Variants in PRPSAP2 observed in about 807,000 individuals in gnomAD.
PRPSAP2 encodes the protein phosphoribosyl pyrophosphate synthetase associated protein 2, also known as phosphoribosyl pyrophosphate synthase-associated protein 2.
PRPSAP2 carries 24 observed loss-of-function variants against 40.6 expected under a neutral mutation model. That is an observed-to-expected ratio of 0.59 (90% CI 0.43 to 0.83). The LOEUF (loss-of-function observed/expected upper bound fraction) is 0.83, where lower values mean the gene tolerates loss of function less well. Ranked by LOEUF, PRPSAP2 falls within the 40% of genes least tolerant of loss-of-function variation. The pLI is 0.00. For synonymous variants in PRPSAP2, 149 were observed against 164.7 expected, an observed-to-expected ratio of 0.90 and a Z score of 0.73; for missense variants, 292 against 465.6, an observed-to-expected ratio of 0.63 and a Z score of 3.43.
intron 9 of PRPSAP2, among the ~76,000 whole-genome samples, chr17:18,912,301 A>G (rs2041011215): frequency 6.6e-6 from 1 of 152,124 alleles, no homozygotes; most frequent in Non-Finnish European, 1.5e-5. Context: ...GACTCCCTCA[A>G]GCCTCTCTGA....
Position 18,930,721 on chromosome 17 carries a change from G to C in PRPSAP2, c.*23G>C. ...TGAGTTTTCCTTTAGGAAAACTCCC[G>C]AGGGCCAAACTGGAAACATAAGAGT... On this transcript the variant is annotated 3_prime_UTR_variant, in exon 12 of 12. Transcript: ENST00000268835. 5.0e-6 allele frequency: 8 copies of C among 1,591,916 alleles called. No homozygotes were observed. The highest frequency in any genetic ancestry group is 6.9e-6 in the Non-Finnish European group (8 of 1,165,500).
chr17:18,866,836 A>T (rs1434259315), intron 3 of PRPSAP2, among the ~76,000 whole-genome samples: 1 of 152,174 alleles, frequency 6.6e-6, no homozygotes, highest in Non-Finnish European at 1.5e-5. Context: ...ATGATGGGGC[A>T]GGTTGTTCTG....
chr17:18,913,313 G>T (rs1054083028), intron 9 of PRPSAP2, among the ~76,000 whole-genome samples: 2 of 152,120 alleles, frequency 1.3e-5, no homozygotes, highest in Non-Finnish European at 2.9e-5. Flanking sequence ...CACCACTGTG[G>T]TTTGTTGCCT....
chr17:18,863,730 C>T (rs969348756), intron 1 of PRPSAP2, among the ~76,000 whole-genome samples: 7 of 151,332 alleles, frequency 4.6e-5, no homozygotes, highest in Non-Finnish European at 7.4e-5. Context: ...GACAGCGTTT[C>T]GCCATGTTGT....
At chr17:18,893,542 C>G (rs1196706587) in intron 8 of PRPSAP2, among the ~76,000 whole-genome samples, 2 of 151,848 alleles carry the variant, frequency 1.3e-5, no homozygotes, top group African/African-American at 4.8e-5. Context: ...ATCACTTGAG[C>G]CCAGGAATTT....
chr17:18,908,975 T>C (rs1597702490), intron 8 of PRPSAP2: 2 of 304,582 alleles, frequency 6.6e-6, no homozygotes, highest in Admixed American at 4.8e-5. Context: ...AGGGATGTTA[T>C]ATAAAGAACT....
chr17:18,928,758 C>T (rs2042103413), intron 10 of PRPSAP2, 53 bp from the exon 11 acceptor site: 3 of 1,602,338 alleles, frequency 1.9e-6, no homozygotes, highest in Non-Finnish European at 2.6e-6. Flanking sequence ...GGTTGTCTAA[C>T]CTATTATTGT....
chr17:18,881,283 C>A (rs182471634), intron 6 of PRPSAP2, among the ~76,000 whole-genome samples: 1 of 150,754 alleles, frequency 6.6e-6, no homozygotes, highest in Non-Finnish European at 1.5e-5. Flanking sequence ...TCACCCAGGT[C>A]GGAGTGAAGT....
chr17:18,859,372 G>C (rs2036832910), intron 1 of PRPSAP2: 1 of 152,246 alleles, frequency 6.6e-6, no homozygotes, highest in South Asian at 2.1e-4. Context: ...TTTTCTGTGT[G>C]GGTTGAGAGA....
upstream of PRPSAP2, among the ~76,000 whole-genome samples, chr17:18,856,876 A>G (rs1354784527): frequency 6.6e-6 from 1 of 152,198 alleles, no homozygotes; most frequent in East Asian, 1.9e-4. Context: ...TACCGTTAAT[A>G]TATGTAAAGC....
intron 6 of PRPSAP2, among the ~76,000 whole-genome samples, chr17:18,880,793 CT>C (rs1382460991): frequency 6.6e-6 from 1 of 152,060 alleles, no homozygotes; most frequent in Non-Finnish European, 1.5e-5. Context: ...TTTAAAGACT[CT>C]TCTGTATTAC....
intron 10 of PRPSAP2, among the ~76,000 whole-genome samples, chr17:18,926,167 T>G (rs2041957024): frequency 6.6e-6 from 1 of 152,146 alleles, no homozygotes; most frequent in Non-Finnish European, 1.5e-5. Context: ...ATTCCTTAGT[T>G]GGCAAAGTCT....
intron 6 of PRPSAP2, among the ~76,000 whole-genome samples, chr17:18,880,185 G>A: frequency 6.6e-6 from 1 of 152,220 alleles, no homozygotes; most frequent in East Asian, 1.9e-4. Flanking sequence ...AGCTGGTGAG[G>A]AGAGCAGGCT....
At chr17:18,908,947 T>C (rs1047532151) in intron 8 of PRPSAP2, 1 of 358,300 alleles carries the variant, frequency 2.8e-6, no homozygotes. Flanking sequence ...TTTGTTTTTA[T>C]TCTGTTTTGT....
intron 9 of PRPSAP2, among the ~76,000 whole-genome samples, chr17:18,916,325 T>C (rs990234661): frequency 1.3e-5 from 2 of 152,032 alleles, no homozygotes; most frequent in Non-Finnish European, 2.9e-5. Context: ...TCAGTACCAA[T>C]TTCTGTCTTA....
chr17:18,928,921 C>T lies in PRPSAP2; in HGVS notation c.915C>T (p.Asp305=), dbSNP rs1388798199. ...VMATHGLLSS[D]APRRIEESAI... ...CAACTCATGGCTTGTTGTCTTCTGA[C>T]GCCCCCCGGCGGATTGAAGAGTCTG... is the stretch of plus-strand genomic sequence containing the variant. Residue 305 remains aspartate (D), a synonymous_variant, in exon 11 of 12, where the codon GAC becomes GAT. Coordinates refer to ENST00000268835, the MANE Select transcript of PRPSAP2 (RefSeq NM_002767.4). The T allele has an allele frequency of 6.2e-6, 10 of 1,613,874 alleles. No individual in the cohort carries two copies. The highest frequency in any genetic ancestry group is 5.3e-5 in the African/African-American group (4 of 74,902).
chr17:18,890,893 G>A (rs2039506828), intron 8 of PRPSAP2, among the ~76,000 whole-genome samples: 1 of 152,166 alleles, frequency 6.6e-6, no homozygotes, highest in Non-Finnish European at 1.5e-5. Flanking sequence ...GTACCAAAGG[G>A]GGAGCCTTGA....
chr17:18,882,545 T>G (rs777591375), intron 6 of PRPSAP2, 23 bp from the exon 7 acceptor site: 1 of 1,404,068 alleles, frequency 7.1e-7, no homozygotes, highest in South Asian at 1.2e-5. Flanking sequence ...TATTTATTGC[T>G]TGTGTCTGCT....
At chr17:18,918,399 A>G (rs1345232540) in intron 9 of PRPSAP2, among the ~76,000 whole-genome samples, 1 of 152,208 alleles carries the variant, frequency 6.6e-6, no homozygotes, top group African/African-American at 2.4e-5. Flanking sequence ...TGAGTGAGAT[A>G]GGACTGCAGT....
Sources: allele counts gnomAD v4.1 joint callset (sites outside exome capture counted in the v4.1 genomes callset), GRCh38; gene constraint gnomAD v4.1.1; transcripts MANE v1.5; gene names NCBI Gene and HGNC (gene_info 2026-07-23, HGNC 2026-07-21).